CHM: variants seen among roughly 807,000 people sequenced by gnomAD.
CHM encodes the protein rab proteins geranylgeranyltransferase component A 1.
In CHM, 10 loss-of-function variants were observed where a neutral mutation model predicts 49.0. The ratio of observed to expected loss-of-function variants is 0.20; its 90% CI spans 0.13 to 0.35. CHM has a LOEUF of 0.35. Ranked by LOEUF, CHM falls within the 10% of genes least tolerant of loss-of-function variation. The pLI, the probability that CHM is intolerant of heterozygous loss-of-function variation, is 1.00. For synonymous variants in CHM, 184 were observed against 167.5 expected, an observed-to-expected ratio of 1.10 and a Z score of -0.76; for missense variants, 455 against 478.4, an observed-to-expected ratio of 0.95 and a Z score of 0.46.
rs778096253 is a variant in CHM at position 85,862,249 on chromosome X, T to C, written c.*2381A>G. On this transcript the variant is annotated 3_prime_UTR_variant, in exon 15 of 15. Coordinates refer to ENST00000357749, the MANE Select transcript of CHM (RefSeq NM_000390.4). ...ATATAGGTGGCTGCAGTAAGGCCAATAGAATTTTTGTGGTTATTCTAGGCC... is the reference window on the plus strand; with the variant it reads ...ATATAGGTGGCTGCAGTAAGGCCAACAGAATTTTTGTGGTTATTCTAGGCC... 4.4e-5 allele frequency: 5 copies of C among 112,370 alleles called. No individual in the cohort carries two copies. The East Asian group carries it at 8.5e-4, about 19-fold the overall frequency. The allele number at this position is 112,370 out of a possible 1,213,427, so 9.3% of individuals were successfully genotyped here. A position where few individuals can be genotyped will look rare whatever the true frequency, so the allele number is the denominator to read the frequency against.
At chrX:86,016,446 T>C (rs1933306677) in intron 2 of CHM, among the ~76,000 whole-genome samples, 1 of 112,153 alleles carries the variant, frequency 8.9e-6, no homozygotes, top group South Asian at 3.7e-4. Context: ...CCCAGCTGTA[T>C]GCAGCCTAGG....
chrX:85,963,655 T>C lies in CHM; in HGVS notation c.702+10A>G. The C allele has an allele frequency of 1.7e-6, 2 of 1,193,558 alleles. No individual in the cohort carries two copies. The highest frequency in any genetic ancestry group is 1.7e-5 in the African/African-American group (1 of 57,559). ...TTTTCAATGCAAAGATGGGTAAAAT[T>C]AGTACTTACCTTTGATACTAAATCA... On this transcript the variant is annotated intron_variant, in intron 5 of 14. Transcript: ENST00000357749.
At chrX:85,897,389 G>A (rs377265575) in intron 11 of CHM, among the ~76,000 whole-genome samples, 22 of 103,523 alleles carry the variant, frequency 2.1e-4, no homozygotes, top group African/African-American at 7.8e-4. Flanking sequence ...GTGGGGAGAG[G>A]CTGAAGATAC....
intron 8 of CHM, among the ~76,000 whole-genome samples, chrX:85,937,202 G>A (rs1329428638): frequency 9.5e-6 from 1 of 105,615 alleles, no homozygotes; most frequent in Non-Finnish European, 1.9e-5. Context: ...GGAGGCGGAG[G>A]CTGCAGTGAG....
intron 8 of CHM, among the ~76,000 whole-genome samples, chrX:85,927,231 A>C (rs2148189786): frequency 8.9e-6 from 1 of 112,290 alleles, no homozygotes; most frequent in South Asian, 3.6e-4. Context: ...TTTAAAAAAT[A>C]AATTTACTTT....
intron 4 of CHM, among the ~76,000 whole-genome samples, chrX:85,966,763 CAA>C (rs1436811493): frequency 1.8e-5 from 2 of 111,358 alleles, no homozygotes; most frequent in East Asian, 5.7e-4. Context: ...ACAGATAAGA[CAA>C]AATATGGCAA....
intron 4 of CHM, among the ~76,000 whole-genome samples, chrX:85,965,213 T>A (rs1445781625): frequency 1.8e-5 from 2 of 112,137 alleles, no homozygotes; most frequent in Admixed American, 9.5e-5. Flanking sequence ...CTGCATAATA[T>A]CACAATTCTT....
intron 9 of CHM, chrX:85,903,694 T>C (rs1201941835): frequency 2.6e-6 from 1 of 385,383 alleles, no homozygotes; most frequent in Non-Finnish European, 5.2e-6. Flanking sequence ...CCCCTGGAGA[T>C]TCTGATAAGC....
chrX:85,959,413 G>C (rs1009983255), intron 5 of CHM, among the ~76,000 whole-genome samples: 1 of 110,522 alleles, frequency 9.0e-6, no homozygotes, highest in African/African-American at 3.3e-5. Flanking sequence ...GAATACACCA[G>C]GCCCTGAGGG....
At chrX:85,924,372 G>A (rs974374226) in intron 8 of CHM, among the ~76,000 whole-genome samples, 1 of 111,348 alleles carries the variant, frequency 9.0e-6, no homozygotes, top group African/African-American at 3.3e-5. Flanking sequence ...GTCTTCCTCA[G>A]AACAAGTATA....
At chrX:85,883,074 G>A (rs768463994) in intron 12 of CHM, among the ~76,000 whole-genome samples, 7 of 111,360 alleles carry the variant, frequency 6.3e-5, no homozygotes, top group Non-Finnish European at 9.4e-5. Flanking sequence ...AAATCAAAAC[G>A]GATGGCATTA....
At chrX:86,033,766 C>T (rs1569260687) in intron 1 of CHM, among the ~76,000 whole-genome samples, 1 of 111,446 alleles carries the variant, frequency 9.0e-6, no homozygotes, top group Non-Finnish European at 1.9e-5. Context: ...GGAACTACCA[C>T]AACATAAAGA....
intron 13 of CHM, among the ~76,000 whole-genome samples, chrX:85,873,820 A>T (rs1924255098): frequency 8.9e-6 from 1 of 112,028 alleles, no homozygotes; most frequent in African/African-American, 3.2e-5. Context: ...TTATTAAAAA[A>T]ATAGTAAATA....
intron 4 of CHM, among the ~76,000 whole-genome samples, chrX:85,978,089 GATTATT>G (rs1192238293): frequency 2.7e-5 from 3 of 111,569 alleles, no homozygotes; most frequent in African/African-American, 9.8e-5. Flanking sequence ...TTAACTATGT[GATTATT>G]ACCTTTTAAC....
At chrX:86,001,662 C>T (rs1463434426) in intron 2 of CHM, among the ~76,000 whole-genome samples, 5 of 110,316 alleles carry the variant, frequency 4.5e-5, no homozygotes, top group Non-Finnish European at 9.5e-5. Context: ...AACTTATCAT[C>T]AAGGGGATGG....
chrX:86,022,972 T>G (rs1404813409), intron 2 of CHM, among the ~76,000 whole-genome samples: 1 of 111,299 alleles, frequency 9.0e-6, no homozygotes, highest in Non-Finnish European at 1.9e-5. Context: ...TTCCCTCACC[T>G]ACTTTATCTG....
At chrX:85,908,114 C>T (rs1926716603) in intron 9 of CHM, among the ~76,000 whole-genome samples, 1 of 111,931 alleles carries the variant, frequency 8.9e-6, no homozygotes, top group African/African-American at 3.2e-5. Flanking sequence ...AAACTGAAAC[C>T]ATAAGGAGAC....
chrX:85,976,266 T>C (rs1485790205), intron 4 of CHM, among the ~76,000 whole-genome samples: 13 of 111,631 alleles, frequency 1.2e-4, no homozygotes, highest in Non-Finnish European at 3.8e-5. Flanking sequence ...TGGCCCAAAG[T>C]CTGCTTTCAG....
In CHM at chrX:85,901,081, T is replaced by C. The variant is rs1326972655; in HGVS notation, c.1349+3A>G. The C allele has an allele frequency of 3.4e-6, 4 of 1,167,565 alleles. No individual in the cohort carries two copies. Among genetic ancestry groups the C allele is most frequent in the East Asian group, 6.0e-5 (2 of 33,448 alleles). Reference sequence around the variant, plus strand: ...GCTTGCTAATGGGTGGAGGGGGCCTTACCTGTATTGCACACGTGAGCACAT... The same window carrying C: ...GCTTGCTAATGGGTGGAGGGGGCCTCACCTGTATTGCACACGTGAGCACAT... On this transcript the variant is annotated splice_donor_region_variant and intron_variant, in intron 10 of 14. Transcript: ENST00000357749.
Sources: gnomAD v4.1 joint callset for allele counts (sites outside exome capture counted in the v4.1 genomes callset) on GRCh38, gnomAD v4.1.1 for gene constraint, MANE v1.5 for transcripts, NCBI Gene and HGNC (gene_info 2026-07-23, HGNC 2026-07-21) for gene names.